Variants in KCND3 observed in about 807,000 individuals in gnomAD.
KCND3 encodes the protein A-type voltage-gated potassium channel KCND3.
A neutral mutation model predicts 51.1 loss-of-function variants in KCND3; 9 were observed. The ratio of observed to expected loss-of-function variants is 0.18; its 90% CI spans 0.11 to 0.31. KCND3 has a LOEUF of 0.31. KCND3 is among the 10% of genes least tolerant of loss of function. KCND3 has a pLI of 1.00. For missense variants in KCND3, 526 were observed against 903.8 expected, an observed-to-expected ratio of 0.58 and a Z score of 5.36; for synonymous variants, 349 against 368.0, an observed-to-expected ratio of 0.95 and a Z score of 0.59.
intron 2 of KCND3, among the ~76,000 whole-genome samples, chr1:111,923,007 C>T (rs541183179): frequency 3.3e-5 from 5 of 152,344 alleles, no homozygotes; most frequent in Middle Eastern, 3.4e-3. Flanking sequence ...TGAATGACTA[C>T]TGGAACACCA....
intron 2 of KCND3, among the ~76,000 whole-genome samples, chr1:111,816,787 G>A (rs1388916544): frequency 6.6e-6 from 1 of 152,202 alleles, no homozygotes; most frequent in African/African-American, 2.4e-5. Flanking sequence ...GAATGATTAA[G>A]GAGCTTATAT....
chr1:111,815,668 C>T (rs1362025877), intron 2 of KCND3, among the ~76,000 whole-genome samples: 1 of 151,680 alleles, frequency 6.6e-6, no homozygotes, highest in Non-Finnish European at 1.5e-5. Flanking sequence ...TATAAATTCG[C>T]ACTTCTTGTT....
chr1:111,902,551 AG>A (rs1429885332), intron 2 of KCND3, among the ~76,000 whole-genome samples: 4 of 152,058 alleles, frequency 2.6e-5, no homozygotes, highest in African/African-American at 9.7e-5. Context: ...TTGTAATGGG[AG>A]GGGTTTGTGA....
Position 111,776,389 on chromosome 1 carries a change from C to CCT in KCND3, c.1767-113_1767-112dup. 8 of 953,442 alleles carry CCT rather than the reference C, an allele frequency of 8.4e-6. No individual in the cohort carries two copies. The South Asian group carries it at 1.1e-4, about 13-fold the overall frequency. 59.1% of individuals were successfully genotyped at this position (953,442 alleles called of 1,614,324 possible). A position where few individuals can be genotyped will look rare whatever the true frequency, so the allele number is the denominator to read the frequency against. ...GTAACTAGGAGGATATTTTGTTGTG[C>CCT]CTCTATCTCTGCCTTTTGTAATCAA... On this transcript the variant is annotated intron_variant, in intron 7 of 7. Transcript: ENST00000302127.
At chr1:111,873,023 G>C (rs945680796) in intron 2 of KCND3, among the ~76,000 whole-genome samples, 1 of 152,214 alleles carries the variant, frequency 6.6e-6, no homozygotes, top group Non-Finnish European at 1.5e-5. Flanking sequence ...TTGACTTGAA[G>C]CTATGTCTGG....
intron 2 of KCND3, among the ~76,000 whole-genome samples, chr1:111,814,824 G>A (rs1368320260): frequency 6.6e-6 from 1 of 152,206 alleles, no homozygotes; most frequent in Non-Finnish European, 1.5e-5. Flanking sequence ...TATCTCCACA[G>A]CCCACAGCTC....
intron 2 of KCND3, among the ~76,000 whole-genome samples, chr1:111,950,300 C>A (rs528341458): frequency 6.6e-6 from 1 of 152,118 alleles, no homozygotes; most frequent in Admixed American, 6.5e-5. Flanking sequence ...AAATACTGGT[C>A]GTGACCCACT....
At chr1:111,883,229 C>T (rs1173786751) in intron 2 of KCND3, among the ~76,000 whole-genome samples, 1 of 152,238 alleles carries the variant, frequency 6.6e-6, no homozygotes, top group African/African-American at 2.4e-5. Flanking sequence ...TGCTTTCATC[C>T]GTGACTTCAC....
At chr1:111,958,898 G>A (rs1226389589) in intron 2 of KCND3, among the ~76,000 whole-genome samples, 2 of 152,218 alleles carry the variant, frequency 1.3e-5, no homozygotes, top group Non-Finnish European at 1.5e-5. Flanking sequence ...TTTTTACACA[G>A]AGGCTGCCGG....
chr1:111,780,274 A>G lies in KCND3; in HGVS notation c.1412T>C (p.Leu471Pro). ...CAGGTGATGATGCTGGCTCTCGATG[A>G]GTGAGGTGGTCTTGCCCATGTGCTC... ...EEEHMGKTTS[L>P]IESQHHHLLH... The change falls in exon 5 of 8, where the codon CTC (leucine) becomes CCC (proline). Residue 471 changes from leucine to proline, a missense_variant. Physicochemically the swap from Leu to Pro is moderately conservative, Grantham distance 98 (BLOSUM62 -3). Coordinates refer to ENST00000302127, the MANE Select transcript of KCND3 (RefSeq NM_001378969.1). This position sits in a 1 kb window ranked among gnomAD's most constrained non-coding sequence, Gnocchi z 4.2. 6.3e-7 allele frequency: 1 copy of G among 1,586,864 alleles called. No homozygotes were observed. Among genetic ancestry groups the G allele is most frequent in the Non-Finnish European group, 8.6e-7 (1 of 1,165,700 alleles).
intron 7 of KCND3, 59 bp from the exon 8 acceptor site, chr1:111,776,337 C>T: frequency 6.7e-7 from 1 of 1,502,856 alleles, no homozygotes; most frequent in Non-Finnish European, 9.2e-7. Context: ...CCAAAGCTTC[C>T]TTGACCCCCT....
Position 111,775,819 on chromosome 1 carries a change from A to AGCCCCCCCCCCCC in KCND3, c.*257_*258insGGGGGGGGGGGGC. 2 of 97,706 alleles carry AGCCCCCCCCCCCC rather than the reference A, an allele frequency of 2.0e-5. 1 individual carries two copies. The highest frequency in any genetic ancestry group is 3.8e-4 in the South Asian group (2 of 5,202). The allele number at this position is 97,706 out of a possible 1,614,324, so 6.1% of individuals were successfully genotyped here. On this transcript the variant is annotated 3_prime_UTR_variant, in exon 8 of 8. Transcript: ENST00000302127. ...GCCTATATCCCCCGGCCTATCCCCG[A>AGCCCCCCCCCCCC]CCCCCCCACCCTCCCTCCCTTCCTC...
intron 2 of KCND3, among the ~76,000 whole-genome samples, chr1:111,873,419 G>A (rs887970943): frequency 6.6e-6 from 1 of 152,222 alleles, no homozygotes. Flanking sequence ...GGCATGATAG[G>A]TGGTGGGAAT....
At chr1:111,806,108 C>T (rs1665558725) in intron 2 of KCND3, among the ~76,000 whole-genome samples, 1 of 152,212 alleles carries the variant, frequency 6.6e-6, no homozygotes, top group African/African-American at 2.4e-5. Flanking sequence ...ACACTGACTC[C>T]CAGATGCTGG....
At chr1:111,931,389 G>C (rs1050696051) in intron 2 of KCND3, among the ~76,000 whole-genome samples, 9 of 152,160 alleles carry the variant, frequency 5.9e-5, no homozygotes, top group African/African-American at 2.2e-4. Flanking sequence ...GATGTGGAAG[G>C]AGTCTCCCAC....
chr1:111,824,135 A>G (rs556580957), intron 2 of KCND3, among the ~76,000 whole-genome samples: 1 of 151,482 alleles, frequency 6.6e-6, no homozygotes, highest in African/African-American at 2.4e-5. Flanking sequence ...AAAAAAAAAA[A>G]AGCTCAAACA....
At chr1:111,941,335 C>T (rs901430484) in intron 2 of KCND3, among the ~76,000 whole-genome samples, 1 of 152,102 alleles carries the variant, frequency 6.6e-6, no homozygotes, top group Admixed American at 6.5e-5. Flanking sequence ...CCCCCTCCTA[C>T]CTCCCCACCT....
intron 2 of KCND3, among the ~76,000 whole-genome samples, chr1:111,808,264 T>C (rs1665671267): frequency 6.6e-6 from 1 of 152,262 alleles, no homozygotes. Flanking sequence ...AAACCTTTTC[T>C]GATTCACTTG....
At chr1:111,927,011 G>C (rs1301907077) in intron 2 of KCND3, among the ~76,000 whole-genome samples, 1 of 152,146 alleles carries the variant, frequency 6.6e-6, no homozygotes, top group South Asian at 2.1e-4. Flanking sequence ...ACTTACTAGG[G>C]GCTGATTATG....
Sources: gnomAD v4.1 joint callset for allele counts (sites outside exome capture counted in the v4.1 genomes callset) on GRCh38, gnomAD v4.1.1 for gene constraint, Gnocchi (gnomAD v3.1) non-coding constraint, MANE v1.5 for transcripts, NCBI Gene and HGNC (gene_info 2026-07-23, HGNC 2026-07-21) for gene names.